The following BPTF variants were observed in gnomAD, a reference collection of about 807,000 sequenced individuals.
BPTF encodes the protein bromodomain PHD finger transcription factor.
Under a neutral mutation model 292.5 loss-of-function variants are expected in BPTF, and 18 were observed. That is an observed-to-expected ratio of 0.06 (90% CI 0.04 to 0.09). The LOEUF (loss-of-function observed/expected upper bound fraction) is 0.09, where lower values mean the gene tolerates loss of function less well. Ranked by LOEUF, BPTF falls within the 10% of genes least tolerant of loss-of-function variation. BPTF has a pLI of 1.00. For missense variants in BPTF, 2,726 were observed against 3,498.7 expected (o/e 0.78, Z 5.57); for synonymous variants, 1,225 against 1,251.9 (o/e 0.98, Z 0.45).
At chr17:67,853,262 C>T (rs865903009) in intron 1 of BPTF, among the ~76,000 whole-genome samples, 21 of 152,198 alleles carry the variant, frequency 1.4e-4, no homozygotes, top group Admixed American at 9.2e-4. Flanking sequence ...AGTTGTTTAA[C>T]TGACTGTTAA....
At position 67,857,218 on chromosome 17, in the gene BPTF, A is replaced by G. The variant is rs538493889; in HGVS notation, c.1436+2456A>G. 4.3e-5 allele frequency among the ~76,000 whole-genome samples: 6 copies of G among 140,680 alleles called. No individual in the cohort carries two copies. The East Asian group carries it at 1.1e-3, about 27-fold the overall frequency. The allele number at this position is 140,680 out of a possible 152,430, so 92.3% of individuals were successfully genotyped here. On this transcript the variant is annotated intron_variant, in intron 2 of 27. Coordinates refer to ENST00000306378, the MANE Select transcript of BPTF (RefSeq NM_182641.4). ...TCGCCCAGGCTGGAGTGCGAGTGCA[A>G]TGGCGTGATCTCGGCTTACTGCAAG...
intron 21 of BPTF, among the ~76,000 whole-genome samples, chr17:67,947,370 C>T (rs1051523937): frequency 3.9e-5 from 6 of 152,148 alleles, no homozygotes; most frequent in Non-Finnish European, 8.8e-5. Context: ...GTTAAAAATA[C>T]GGCCTTTGGA....
rs1469864599 is a variant in BPTF, at chr17:67,917,154, A to G, written c.5304-1560A>G. Reference sequence around the variant, plus strand: ...TCCTTTTTTTTTTTTTTTTTTTGAGATAGAGTCTCACACTGCCGCCCGAGG... The same window carrying G: ...TCCTTTTTTTTTTTTTTTTTTTGAGGTAGAGTCTCACACTGCCGCCCGAGG... On this transcript the variant is annotated intron_variant, in intron 11 of 27. Transcript: ENST00000306378. Among the ~76,000 whole-genome samples the G allele has an allele frequency of 4.5e-5, 3 of 66,784 alleles. No individual in the cohort carries two copies. The Admixed American group carries it at 4.7e-4, about 10-fold the overall frequency. 43.8% of individuals were successfully genotyped at this position (66,784 alleles called of 152,430 possible). A position where few individuals can be genotyped will look rare whatever the true frequency, so the allele number is the denominator to read the frequency against.
intron 11 of BPTF, among the ~76,000 whole-genome samples, chr17:67,914,770 A>C (rs2062871028): frequency 6.6e-6 from 1 of 152,096 alleles, no homozygotes; most frequent in African/African-American, 2.4e-5. Flanking sequence ...TGCACAGCTG[A>C]ATTTCTGGAG....
intron 2 of BPTF, among the ~76,000 whole-genome samples, chr17:67,856,218 C>T (rs1258710799): frequency 6.6e-6 from 1 of 151,750 alleles, no homozygotes; most frequent in Non-Finnish European, 1.5e-5. Flanking sequence ...TTAAGATTTC[C>T]TTATCTTGGT....
Position 67,948,306 on chromosome 17 carries a change from G to A in BPTF, c.7926G>A (p.Gln2642=), listed in dbSNP as rs1352162061. The change falls in exon 23 of 28, where the codon CAG becomes CAA. Residue 2642 remains glutamine, a splice_region_variant and synonymous_variant. Coordinates refer to ENST00000306378, the MANE Select transcript of BPTF (RefSeq NM_182641.4). ...LLDKDLQIEV[Q]EELKRDLKIK... is the part of the protein sequence containing the mutation. ...ACAAGGATCTGCAAATTGAAGTGCAGGTAAGAGGGCACATCCTTTTCTTCT... is the reference window on the plus strand; with the variant it reads ...ACAAGGATCTGCAAATTGAAGTGCAAGTAAGAGGGCACATCCTTTTCTTCT... The A allele has an allele frequency of 6.2e-7, 1 of 1,609,710 alleles. No individual in the cohort carries two copies. The highest frequency in any genetic ancestry group is 8.5e-7 in the Non-Finnish European group (1 of 1,177,950).
intron 1 of BPTF, among the ~76,000 whole-genome samples, chr17:67,843,189 T>C (rs1016571154): frequency 4.6e-5 from 6 of 129,794 alleles, no homozygotes; most frequent in Middle Eastern, 4.0e-3. Context: ...GATATCTACA[T>C]ACATCTACAT....
Position 67,853,955 on chromosome 17 carries a change from G to A in BPTF, c.629G>A (p.Arg210Lys), listed in dbSNP as rs762064359. 3.6e-5 allele frequency: 58 copies of A among 1,609,638 alleles called. No homozygotes were observed. The highest frequency in any genetic ancestry group is 4.9e-5 in the Non-Finnish European group (58 of 1,176,576). ...TTATCTACAGGTAGGCGAAAACCAA[G>A]AGTACATCGGCCTCGTTCTCCTATA... Reference protein sequence around the residue: ...YSSTPGRRKPRVHRPRSPILE... With the variant: ...YSSTPGRRKPKVHRPRSPILE... The change falls in exon 2 of 28, where the codon AGA (arginine) becomes AAA (lysine). Residue 210 changes from arginine (R) to lysine (K), a missense_variant. Arg to Lys is a conservative substitution (Grantham distance 26). Coordinates refer to ENST00000306378, the MANE Select transcript of BPTF (RefSeq NM_182641.4).
rs146190765 is a variant in BPTF, at chr17:67,881,953, G to A, written c.1864+6933G>A. The stretch of plus-strand genomic sequence containing the variant: ...ACAATCTCAGCTCACTGCAACCTCC[G>A]CCTCCTGAGTAGCTGGGATTACAGG... On this transcript the variant is annotated intron_variant, in intron 4 of 27. Transcript: ENST00000306378. Among the ~76,000 whole-genome samples the A allele has an allele frequency of 2.3e-3, 300 of 130,488 alleles. 2 individuals are homozygous for A. Among genetic ancestry groups the A allele is most frequent in the African/African-American group, 8.1e-3 (284 of 35,124 alleles). 85.6% of individuals were successfully genotyped at this position (130,488 alleles called of 152,430 possible).
At chr17:67,877,070 A>G (rs1314999211) in intron 4 of BPTF, among the ~76,000 whole-genome samples, 2 of 152,230 alleles carry the variant, frequency 1.3e-5, no homozygotes, top group Non-Finnish European at 2.9e-5. Flanking sequence ...GCATTTTAAA[A>G]GACTTTATTA....
At chr17:67,900,409 G>T (rs1568014358) in intron 7 of BPTF, among the ~76,000 whole-genome samples, 4 of 151,872 alleles carry the variant, frequency 2.6e-5, no homozygotes, top group Admixed American at 2.0e-4. Flanking sequence ...TCAGCCAAAT[G>T]TAACAAGAAA....
chr17:67,848,047 A>G (rs2144731439), intron 1 of BPTF, among the ~76,000 whole-genome samples: 1 of 152,338 alleles, frequency 6.6e-6, no homozygotes, highest in East Asian at 1.9e-4. Flanking sequence ...ATACCGAGTG[A>G]GGCCACTTTC....
intron 13 of BPTF, among the ~76,000 whole-genome samples, chr17:67,921,212 A>G (rs2063409745): frequency 8.2e-6 from 1 of 121,278 alleles, no homozygotes; most frequent in Non-Finnish European, 1.5e-5. Flanking sequence ...TCCGTGTCAA[A>G]AAAAAAAAAA....
At chr17:67,829,265 G>T (rs9914349) in intron 1 of BPTF, among the ~76,000 whole-genome samples, 14,920 of 151,004 alleles carry the variant, frequency 0.099, 2,525 homozygotes, top group African/African-American at 0.34. Context: ...TTTATTGGCT[G>T]TGATGTTAAT....
At chr17:67,916,546 C>T (rs1473018406) in intron 11 of BPTF, among the ~76,000 whole-genome samples, 1 of 151,864 alleles carries the variant, frequency 6.6e-6, no homozygotes, top group Non-Finnish European at 1.5e-5. Context: ...GCCGAGATCG[C>T]GCCATTGCAC....
At chr17:67,838,254 T>G (rs1239638154) in intron 1 of BPTF, among the ~76,000 whole-genome samples, 1 of 152,200 alleles carries the variant, frequency 6.6e-6, no homozygotes, top group Non-Finnish European at 1.5e-5. Context: ...ATTCACCCCA[T>G]TTTTGAGCTC....
In BPTF at chr17:67,845,965, T is replaced by C. The variant is rs559942093; in HGVS notation, c.614-7975T>C. Among the ~76,000 whole-genome samples, 6 of 152,192 alleles carry C rather than the reference T, an allele frequency of 3.9e-5. 1 individual carries two copies. The highest frequency in any genetic ancestry group is 1.4e-4 in the African/African-American group (6 of 41,548). On this transcript the variant is annotated intron_variant, in intron 1 of 27. Coordinates refer to ENST00000306378, the MANE Select transcript of BPTF (RefSeq NM_182641.4). Reference sequence around the variant, plus strand: ...GAGGTATATGAAAGCTATTTTTATCTTTCAAAGGCTAAAAGACATTAAATG... The same window carrying C: ...GAGGTATATGAAAGCTATTTTTATCCTTCAAAGGCTAAAAGACATTAAATG...
At chr17:67,857,148 ATTTTTTTTTTT>A (rs35727338) in intron 2 of BPTF, among the ~76,000 whole-genome samples, 12,331 of 98,034 alleles carry the variant, frequency 0.13, 1,944 homozygotes, top group African/African-American at 0.38. Context: ...GTCTTTAACA[ATTTTTTTTTTT>A]TTTTTTTTTT....
chr17:67,917,530 A>G (rs1319500652), intron 11 of BPTF, among the ~76,000 whole-genome samples: 2 of 152,100 alleles, frequency 1.3e-5, no homozygotes, highest in African/African-American at 4.8e-5. Flanking sequence ...CCAGTTGTTC[A>G]TGTTTTGAAT....
Sources: allele counts gnomAD v4.1 joint callset (sites outside exome capture counted in the v4.1 genomes callset), GRCh38; gene constraint gnomAD v4.1.1; transcripts MANE v1.5; gene names NCBI Gene and HGNC (gene_info 2026-07-23, HGNC 2026-07-21).